Variants in DHX37 observed in about 807,000 individuals in gnomAD.
DHX37 encodes the protein DEAH-box helicase 37.
DHX37 carries 52 observed loss-of-function variants against 134.3 expected under a neutral mutation model. That is an observed-to-expected ratio of 0.39 (90% confidence interval 0.31 to 0.49). The LOEUF (loss-of-function observed/expected upper bound fraction) is 0.49. Ranked by LOEUF, DHX37 falls within the 20% of genes least tolerant of loss-of-function variation. DHX37 has a pLI of 0.93. For synonymous variants in DHX37, 634 were observed against 670.7 expected (o/e 0.95, Z 0.85); for missense variants, 1,344 against 1,580.8 (o/e 0.85, Z 2.54).
At position 124,971,469 on chromosome 12, in the gene DHX37, G is replaced by A. The variant is rs533427381; in HGVS notation, c.1078-54C>T. ...CCTTCCAGCCTAAGCCCCAAGGGCCGCTTCACGTCCCAGAACTCCCACTTG... is the reference window on the plus strand; with the variant it reads ...CCTTCCAGCCTAAGCCCCAAGGGCCACTTCACGTCCCAGAACTCCCACTTG... On this transcript the variant is annotated intron_variant, in intron 7 of 26. Transcript: ENST00000308736. The A allele has an allele frequency of 2.1e-5, 33 of 1,586,028 alleles. No homozygotes were observed. In the East Asian group the frequency reaches 3.9e-4, roughly 19 times the overall value.
intron 15 of DHX37, 102 bp downstream of exon 15, chr12:124,964,292 A>T: frequency 1.9e-6 from 3 of 1,560,948 alleles, no homozygotes; most frequent in Non-Finnish European, 2.6e-6. Context: ...AGGACACGGA[A>T]CATACTACAG....
intron 5 of DHX37, among the ~76,000 whole-genome samples, chr12:124,975,972 G>A (rs1283434804): frequency 6.6e-6 from 1 of 152,238 alleles, no homozygotes; most frequent in Admixed American, 6.5e-5. Context: ...CCCTGTAAGT[G>A]CGGGGCCCAC....
intron 16 of DHX37, among the ~76,000 whole-genome samples, chr12:124,958,983 C>G (rs1190680038): frequency 3.4e-4 from 51 of 150,026 alleles, no homozygotes; most frequent in African/African-American, 1.2e-3. Flanking sequence ...GATCTTGGCT[C>G]ACTGCAACCT....
intron 15 of DHX37, 89 bp downstream of exon 15, chr12:124,964,305 G>C: frequency 6.3e-7 from 1 of 1,577,902 alleles, no homozygotes; most frequent in Non-Finnish European, 8.5e-7. Flanking sequence ...TACTACAGAT[G>C]GAGGTGGGGG....
chr12:124,971,403 G>T lies in DHX37; in HGVS notation c.1090C>A (p.Leu364Met), dbSNP rs150066589. Residue 364 changes from leucine (L) to methionine (M), a missense_variant, in exon 8 of 27, where the codon CTG (leucine) becomes ATG (methionine). By Grantham distance (15) the Leu-to-Met change is conservative. Transcript: ENST00000308736. ...TCGATGATCACCACCTTGTACCGCA[G>T]CAGCAGGAAGTCCTGGGGGGAGGTC... ...LKEIQKDFLL[L>M]RYKVVIIDEA... is the part of the protein sequence containing the mutation. 1.9e-4 allele frequency: 314 copies of T among 1,613,074 alleles called. No individual in the cohort carries two copies. The highest frequency in any genetic ancestry group is 2.5e-4 in the Non-Finnish European group (297 of 1,179,968).
At chr12:124,974,022 C>A (rs569321362) in intron 6 of DHX37, among the ~76,000 whole-genome samples, 1 of 149,076 alleles carries the variant, frequency 6.7e-6, no homozygotes, top group Admixed American at 6.8e-5. Context: ...ATCTCAATCT[C>A]GGCTCACTGC....
At chr12:124,948,770 A>G (rs1451739732) in intron 25 of DHX37, among the ~76,000 whole-genome samples, 5 of 88,528 alleles carry the variant, frequency 5.6e-5, no homozygotes, top group African/African-American at 1.6e-4. Context: ...GCAAACAAAC[A>G]AAACTCAAAA....
chr12:124,975,235 G>A lies in DHX37; in HGVS notation c.980+184C>T, dbSNP rs552289916. Among the ~76,000 whole-genome samples, 6 of 152,292 alleles carry A rather than the reference G, an allele frequency of 3.9e-5. No individual in the cohort carries two copies. In the East Asian group the frequency reaches 9.7e-4, roughly 25 times the overall value. ...TGTGCAGGACGTAAGCTTGCTTGGA[G>A]GCCCCCTGCTTGGGCAGGTCCTGGA... On this transcript the variant is annotated intron_variant, in intron 6 of 26. Coordinates refer to ENST00000308736, the MANE Select transcript of DHX37 (RefSeq NM_032656.4).
At chr12:124,952,661 G>T in intron 20 of DHX37, 91 bp from the exon 21 acceptor site, 1 of 1,339,660 alleles carries the variant, frequency 7.5e-7, no homozygotes, top group Non-Finnish European at 9.8e-7. Context: ...CATGCTCAGT[G>T]CTCTAGCCTC....
intron 15 of DHX37, among the ~76,000 whole-genome samples, chr12:124,963,233 G>A (rs971123204): frequency 3.3e-5 from 5 of 152,198 alleles, no homozygotes; most frequent in African/African-American, 9.7e-5. Context: ...CGTGCTGAGC[G>A]GCAGAGGCCA....
chr12:124,964,799 C>T (rs1954343353), intron 14 of DHX37, 131 bp downstream of exon 14: 1 of 1,432,550 alleles, frequency 7.0e-7, no homozygotes, highest in Non-Finnish European at 9.4e-7. Context: ...CCAAAACTAC[C>T]CCAATATTCC....
chr12:124,972,245 G>T (rs978198025), intron 7 of DHX37, among the ~76,000 whole-genome samples: 22 of 152,226 alleles, frequency 1.4e-4, no homozygotes, highest in Non-Finnish European at 3.2e-4. Context: ...CACCTTCTAG[G>T]TACGGGCCAC....
At chr12:124,966,155 A>G (rs984284326) in intron 12 of DHX37, among the ~76,000 whole-genome samples, 5 of 152,186 alleles carry the variant, frequency 3.3e-5, no homozygotes, top group Non-Finnish European at 7.3e-5. Flanking sequence ...GCCTTCACGC[A>G]GAGGCTAGAG....
At chr12:124,960,502 A>C in intron 15 of DHX37, 79 bp from the exon 16 acceptor site, 1 of 1,554,774 alleles carries the variant, frequency 6.4e-7, no homozygotes, top group Non-Finnish European at 8.7e-7. Context: ...GGCAGACAGA[A>C]ACCGGGACAA....
At chr12:124,972,711 G>A (rs111367823) in intron 6 of DHX37, 112 bp from the exon 7 acceptor site, 11 of 943,188 alleles carry the variant, frequency 1.2e-5, no homozygotes, top group Admixed American at 3.7e-5. Flanking sequence ...GGCAGGGCCC[G>A]CTGGCAACCT....
chr12:124,966,875 T>G lies in DHX37; in HGVS notation c.1508A>C (p.Lys503Thr). 1 of 1,614,230 alleles carries G rather than the reference T, an allele frequency of 6.2e-7. No homozygotes were observed. Reference sequence around the variant, plus strand: ...CACCGAGTCTTTCTGATCGTCGTCCTTTTCTGGGAGAGGGGCAGGTTGGGG... The same window carrying G: ...CACCGAGTCTTTCTGATCGTCGTCCGTTTCTGGGAGAGGGGCAGGTTGGGG... ...FPPSRARPQEKDDDQKDSVEE... is the reference protein window; with the variant it reads ...FPPSRARPQETDDDQKDSVEE... The change falls in exon 12 of 27, where the codon AAG becomes ACG. Residue 503 changes from lysine to threonine, a missense_variant. Transcript: ENST00000308736.
At position 124,982,519 on chromosome 12, in the gene DHX37, G is replaced by A; in HGVS notation, c.381C>T (p.His127=). The A allele has an allele frequency of 6.2e-7, 1 of 1,613,584 alleles. No individual in the cohort carries two copies. Among genetic ancestry groups the A allele is most frequent in the Non-Finnish European group, 8.5e-7 (1 of 1,179,716 alleles). ...AGGACTGGCCAACTCACTCTTTGGTGTGATACATGCGGTTCCCAGTGCCTA... is the reference window on the plus strand; with the variant it reads ...AGGACTGGCCAACTCACTCTTTGGTATGATACATGCGGTTCCCAGTGCCTA... The part of the protein sequence containing the change: ...SKLGTGNRMY[H]TKEKADEVVA... The change falls in exon 3 of 27, where the codon CAC becomes CAT. Residue 127 remains histidine, a synonymous_variant. Transcript: ENST00000308736.
chr12:124,973,717 T>C (rs1329306289), intron 6 of DHX37, among the ~76,000 whole-genome samples: 2 of 145,876 alleles, frequency 1.4e-5, no homozygotes. Flanking sequence ...TCTCGGCTCA[T>C]GGCAACCTCC....
Position 124,950,685 on chromosome 12 carries a change from G to C in DHX37, c.2983+5C>G. ...GGACAAGGGGCTGTCCGCAGGCCTC[G>C]GCACCTTTCATGTACATCTTAGTGG... is the stretch of plus-strand genomic sequence containing the variant. On this transcript the variant is annotated splice_donor_5th_base_variant and intron_variant, in intron 22 of 26. Transcript: ENST00000308736. The C allele has an allele frequency of 6.2e-7, 1 of 1,612,282 alleles. No individual in the cohort carries two copies. Among genetic ancestry groups the C allele is most frequent in the Non-Finnish European group, 8.5e-7 (1 of 1,179,282 alleles).
Sources: gnomAD v4.1 joint callset for allele counts (sites outside exome capture counted in the v4.1 genomes callset) on GRCh38, gnomAD v4.1.1 for gene constraint, MANE v1.5 for transcripts, NCBI Gene and HGNC (gene_info 2026-07-23, HGNC 2026-07-21) for gene names.